TET3: variants seen among roughly 807,000 people sequenced by gnomAD.
The protein encoded by TET3 is tet methylcytosine dioxygenase 3, also known as methylcytosine dioxygenase TET3.
In TET3, 19 loss-of-function variants were observed where a neutral mutation model predicts 141.4. The ratio of observed to expected loss-of-function variants is 0.13; its 90% CI spans 0.09 to 0.20. The LOEUF (loss-of-function observed/expected upper bound fraction) is 0.20. TET3 is among the 10% of genes least tolerant of loss of function. TET3 has a pLI of 1.00. For missense variants in TET3, 1,874 were observed against 2,356.9 expected (o/e 0.80, Z 4.24); for synonymous variants, 1,043 against 980.9 (o/e 1.06, Z -1.18).
chr2:74,040,314 T>G (rs1687278560), intron 3 of TET3, among the ~76,000 whole-genome samples: 1 of 151,572 alleles, frequency 6.6e-6, no homozygotes, highest in Non-Finnish European at 1.5e-5. Flanking sequence ...GACTGTCAGG[T>G]GAGACAATTA....
At chr2:74,125,660 T>TA in the TET3 span, among the ~76,000 whole-genome samples, 2 of 152,096 alleles carry the variant, frequency 1.3e-5, no homozygotes, top group Non-Finnish European at 2.9e-5. Flanking sequence ...TCAGCTCTCA[T>TA]ATATAGTACC....
downstream of TET3, among the ~76,000 whole-genome samples, chr2:74,112,211 G>C (rs1441525545): frequency 6.6e-6 from 1 of 151,910 alleles, no homozygotes; most frequent in Non-Finnish European, 1.5e-5. Context: ...CTTGGCCCCA[G>C]CTTGCATCTT....
chr2:74,073,432 C>A, intron 4 of TET3, 117 bp from the exon 5 acceptor site: 1 of 639,438 alleles, frequency 1.6e-6, no homozygotes, highest in Non-Finnish European at 2.7e-6. Flanking sequence ...GTTCATAAGC[C>A]ATGTGGGTTT....
intron 1 of TET3, among the ~76,000 whole-genome samples, 172 bp from the exon 2 acceptor site, chr2:73,985,808 C>T (rs550739554): frequency 2.6e-5 from 4 of 151,912 alleles, no homozygotes; most frequent in African/African-American, 4.8e-5. Context: ...GGCCGCCTCC[C>T]TCAGACAGGG....
In TET3 at chr2:73,986,479, A is replaced by G; in HGVS notation, c.76A>G (p.Met26Val). ...GLYDFPQRQV[M>V]VGSFPGSGLS... is the part of the protein sequence containing the mutation. Reference sequence around the variant, plus strand: ...TTATGACTTCCCTCAGCGCCAGGTGATGGTAGGGAGCTTCCCGGGGTCTGG... The same window carrying G: ...TTATGACTTCCCTCAGCGCCAGGTGGTGGTAGGGAGCTTCCCGGGGTCTGG... The change falls in exon 2 of 12, where the codon ATG becomes GTG. Residue 26 changes from methionine (M) to valine (V), a missense_variant. Met to Val is a conservative substitution (Grantham distance 21). Around this residue, in one of 10 missense-constraint regions of TET3, gnomAD observed 366 missense variants for 487.0 expected, o/e 0.75. Coordinates refer to ENST00000409262, the MANE Select transcript of TET3 (RefSeq NM_001287491.2). 2 of 1,232,078 alleles carry G rather than the reference A, an allele frequency of 1.6e-6. No individual in the cohort carries two copies. The highest frequency in any genetic ancestry group is 2.0e-6 in the Non-Finnish European group (2 of 988,004). The allele number at this position is 1,232,078 out of a possible 1,614,324, so 76.3% of individuals were successfully genotyped here. A position where few individuals can be genotyped will look rare whatever the true frequency, so the allele number is the denominator to read the frequency against.
intron 5 of TET3, among the ~76,000 whole-genome samples, chr2:74,079,105 T>C (rs1689664352): frequency 1.3e-5 from 2 of 152,192 alleles, no homozygotes; most frequent in African/African-American, 4.8e-5. Flanking sequence ...TCCCAGCACT[T>C]CGGGAGGCCG....
the TET3 span, among the ~76,000 whole-genome samples, chr2:74,118,698 T>C: frequency 6.6e-6 from 1 of 152,138 alleles, no homozygotes; most frequent in African/African-American, 2.4e-5. Context: ...CACACACATA[T>C]ATTTACATTT....
Position 74,047,033 on chromosome 2 carries a change from GCC to G in TET3, c.1117_1118del (p.Pro373PhefsTer13), listed in dbSNP as rs771001035. 71 of 1,613,958 alleles carry G rather than the reference GCC, an allele frequency of 4.4e-5. No homozygotes were observed. The highest frequency in any genetic ancestry group is 1.4e-5 in the Non-Finnish European group (16 of 1,179,858). ...CACAGCTCTCCTCTGCCCTCCCGCA[GCC>G]TTCTCATTCCACCCCCCAGGCTTCT... ...LTQLSSALPQPSHSTPQASCP... is the reference protein window; with the variant it reads ...LTQLSSALPQXSHSTPQASCP... On this transcript the variant is annotated frameshift_variant, in exon 4 of 12. Transcript: ENST00000409262. LOFTEE classifies it high-confidence loss of function.
intron 4 of TET3, among the ~76,000 whole-genome samples, chr2:74,052,920 A>C (rs755188792): frequency 4.6e-5 from 7 of 152,206 alleles, no homozygotes; most frequent in Non-Finnish European, 7.3e-5. Context: ...TTATTTGGTA[A>C]TTTTGCCAAA....
chr2:74,033,127 G>C (rs1686845094), intron 3 of TET3, among the ~76,000 whole-genome samples: 1 of 151,836 alleles, frequency 6.6e-6, no homozygotes, highest in African/African-American at 2.4e-5. Context: ...TCACAGACAT[G>C]TGTAGTTTGC....
chr2:74,129,052 C>G, the TET3 span, among the ~76,000 whole-genome samples: 1 of 145,958 alleles, frequency 6.9e-6, no homozygotes, highest in Non-Finnish European at 1.5e-5. Flanking sequence ...ATAATCCCAG[C>G]ACTTTGGGAT....
chr2:74,004,893 G>A (rs1051263649), intron 3 of TET3, among the ~76,000 whole-genome samples: 4 of 152,200 alleles, frequency 2.6e-5, no homozygotes, highest in Non-Finnish European at 4.4e-5. Flanking sequence ...CACAGAGATC[G>A]TAGAGTAGAT....
At chr2:74,063,009 G>A (rs555330676) in intron 4 of TET3, among the ~76,000 whole-genome samples, 3 of 150,084 alleles carry the variant, frequency 2.0e-5, no homozygotes, top group Non-Finnish European at 3.0e-5. Context: ...TCAGACTCCC[G>A]AGTAGCTGGG....
chr2:74,033,050 C>G (rs1046808148), intron 3 of TET3, among the ~76,000 whole-genome samples: 1 of 152,194 alleles, frequency 6.6e-6, no homozygotes. Context: ...GCGTACAGCT[C>G]TCTAGCAACA....
At chr2:74,095,933 T>A (rs896901648) in intron 10 of TET3, among the ~76,000 whole-genome samples, 2 of 152,278 alleles carry the variant, frequency 1.3e-5, no homozygotes, top group Admixed American at 1.3e-4. Context: ...GTCTCTTTCA[T>A]CTTTGCCTGC....
chr2:74,032,458 T>C (rs1686764000), intron 3 of TET3, among the ~76,000 whole-genome samples: 1 of 14,396 alleles, frequency 6.9e-5, no homozygotes, highest in Non-Finnish European at 2.2e-4. Flanking sequence ...TCTCTGTGTG[T>C]GTGTGTGTGT....
intron 5 of TET3, among the ~76,000 whole-genome samples, chr2:74,076,458 T>G (rs1296074988): frequency 2.1e-5 from 3 of 143,596 alleles, no homozygotes; most frequent in African/African-American, 5.4e-5. Flanking sequence ...TTTTTTTTTT[T>G]TTTTTTTTTT....
chr2:74,113,159 G>A (rs554722348), downstream of TET3, among the ~76,000 whole-genome samples: 1 of 152,028 alleles, frequency 6.6e-6, no homozygotes, highest in Admixed American at 6.6e-5. Context: ...GGGAGGCCGA[G>A]GCAGGCAGAT....
At chr2:74,091,302 A>G (rs1001983661) in intron 8 of TET3, among the ~76,000 whole-genome samples, 2 of 152,086 alleles carry the variant, frequency 1.3e-5, no homozygotes, top group Admixed American at 6.5e-5. Flanking sequence ...ATTTCTCTCA[A>G]ATTCTTTCCC....
Sources: allele counts gnomAD v4.1 joint callset (sites outside exome capture counted in the v4.1 genomes callset), GRCh38; gene constraint gnomAD v4.1.1; regional missense constraint gnomAD v4.1.1; transcripts MANE v1.5; gene names NCBI Gene and HGNC (gene_info 2026-07-23, HGNC 2026-07-21).